UTS2: variants seen among roughly 807,000 people sequenced by gnomAD.
UTS2 encodes urotensin-2.
In UTS2, 10 loss-of-function variants were observed where a neutral mutation model predicts 12.6. The observed-to-expected ratio is 0.80, with a 90% confidence interval of 0.49 to 1.35. The LOEUF (loss-of-function observed/expected upper bound fraction) is 1.35, where lower values mean the gene tolerates loss of function less well. UTS2 is among the 40% of genes most tolerant of loss of function. The pLI, the probability that UTS2 is intolerant of heterozygous loss-of-function variation, is 0.00. For synonymous variants in UTS2, 52 were observed against 50.0 expected, an observed-to-expected ratio of 1.04 and a Z score of -0.17; for missense variants, 142 against 143.2, an observed-to-expected ratio of 0.99 and a Z score of 0.04.
the UTS2 span, among the ~76,000 whole-genome samples, chr1:7,871,212 T>C: frequency 6.6e-6 from 1 of 152,244 alleles, no homozygotes; most frequent in Non-Finnish European, 1.5e-5. Context: ...GGTGCCATCA[T>C]GCATGCTCTT....
At chr1:7,868,679 A>G in the UTS2 span, among the ~76,000 whole-genome samples, 1 of 152,260 alleles carries the variant, frequency 6.6e-6, no homozygotes, top group Admixed American at 6.5e-5. Flanking sequence ...TAGTGGGACA[A>G]TGATGATGTT....
the UTS2 span, among the ~76,000 whole-genome samples, chr1:7,866,432 G>A: frequency 6.6e-6 from 1 of 152,176 alleles, no homozygotes; most frequent in East Asian, 1.9e-4. The surrounding 1 kb of genome is among the most constrained non-coding windows in gnomAD (Gnocchi z 4.5). Flanking sequence ...AGGCCCACAG[G>A]AGGAAGTCCA....
the UTS2 span, among the ~76,000 whole-genome samples, chr1:7,895,322 T>C: frequency 2.0e-5 from 3 of 152,026 alleles, no homozygotes; most frequent in Non-Finnish European, 2.9e-5. Flanking sequence ...TGAGCTGAGA[T>C]TGAGCCACTG....
At chr1:7,877,494 G>C in the UTS2 span, among the ~76,000 whole-genome samples, 1 of 152,302 alleles carries the variant, frequency 6.6e-6, no homozygotes, top group Admixed American at 6.5e-5. Flanking sequence ...CAATTGACTA[G>C]AGCAAGCAGT....
chr1:7,886,490 A>G, the UTS2 span, among the ~76,000 whole-genome samples: 1 of 152,220 alleles, frequency 6.6e-6, no homozygotes, highest in Non-Finnish European at 1.5e-5. Flanking sequence ...TCTCCGTGGT[A>G]CATTTTTCAT....
chr1:7,906,507 G>GAAAGAAAGAAAGA, the UTS2 span, among the ~76,000 whole-genome samples: 1 of 131,268 alleles, frequency 7.6e-6, no homozygotes, highest in South Asian at 2.8e-4. Flanking sequence ...AAGAAAGAAA[G>GAAAGAAAGAAAGA]AAAAGAGGGA....
chr1:7,902,841 T>C, the UTS2 span, among the ~76,000 whole-genome samples: 1 of 152,208 alleles, frequency 6.6e-6, no homozygotes, highest in Non-Finnish European at 1.5e-5. Flanking sequence ...TTCCCATCCC[T>C]GAAGAAGAGG....
upstream of UTS2, chr1:7,853,470 C>G: frequency 6.2e-7 from 1 of 1,600,754 alleles, no homozygotes; most frequent in Non-Finnish European, 8.5e-7. Flanking sequence ...AGTTGCCATG[C>G]TGTGTTTAGG....
chr1:7,902,614 C>CG, the UTS2 span, among the ~76,000 whole-genome samples: 4 of 152,004 alleles, frequency 2.6e-5, no homozygotes, highest in Admixed American at 6.6e-5. Flanking sequence ...TTTATAGGGA[C>CG]GGGGGTCTCG....
chr1:7,864,640 T>C, the UTS2 span, among the ~76,000 whole-genome samples: 2 of 152,202 alleles, frequency 1.3e-5, no homozygotes, highest in African/African-American at 4.8e-5. Flanking sequence ...TCACGCCCAT[T>C]GAATTCTCCT....
chr1:7,891,520 G>A, the UTS2 span, among the ~76,000 whole-genome samples: 20 of 93,082 alleles, frequency 2.1e-4, 1 homozygote, highest in Admixed American at 1.8e-3. Flanking sequence ...AGCCAGACTC[G>A]ATCTAAGAAA....
At chr1:7,901,620 G>GTC in the UTS2 span, among the ~76,000 whole-genome samples, 4 of 111,550 alleles carry the variant, frequency 3.6e-5, no homozygotes, top group East Asian at 2.0e-3. Context: ...GTGTGTGTGT[G>GTC]TGTGTGTGTG....
the UTS2 span, among the ~76,000 whole-genome samples, chr1:7,897,941 G>A: frequency 6.6e-6 from 1 of 152,016 alleles, no homozygotes; most frequent in Non-Finnish European, 1.5e-5. Flanking sequence ...GCATTCCTAG[G>A]TACCTTCTGG....
chr1:7,858,654 G>T, the UTS2 span, among the ~76,000 whole-genome samples: 47 of 152,112 alleles, frequency 3.1e-4, no homozygotes, highest in African/African-American at 9.4e-4. Flanking sequence ...TCAGCTTACT[G>T]CAACCACCAC....
the UTS2 span, among the ~76,000 whole-genome samples, chr1:7,890,974 C>CT: frequency 6.6e-6 from 1 of 151,254 alleles, no homozygotes; most frequent in African/African-American, 2.4e-5. Flanking sequence ...TCCACCCCCC[C>CT]CCACAAAACT....
chr1:7,886,038 G>A, the UTS2 span, among the ~76,000 whole-genome samples: 2 of 118,594 alleles, frequency 1.7e-5, no homozygotes, highest in Non-Finnish European at 4.1e-5. Context: ...CAGCTGCACC[G>A]CACCTGTTCC....
At chr1:7,898,814 T>C in the UTS2 span, among the ~76,000 whole-genome samples, 5 of 152,280 alleles carry the variant, frequency 3.3e-5, no homozygotes, top group South Asian at 1.0e-3. Flanking sequence ...CTTTCATCAG[T>C]GCCTGGAAAT....
chr1:7,895,755 A>G, the UTS2 span, among the ~76,000 whole-genome samples: 2 of 152,234 alleles, frequency 1.3e-5, no homozygotes, highest in Non-Finnish European at 2.9e-5. Flanking sequence ...GATATGCTTC[A>G]TGGGATCTGT....
At position 7,852,115 on chromosome 1, in the gene UTS2, A is replaced by G. The variant is rs567734752; in HGVS notation, c.103+786T>C. Among the ~76,000 whole-genome samples the G allele has an allele frequency of 2.0e-5, 3 of 152,218 alleles. No individual in the cohort carries two copies. In the South Asian group the frequency reaches 6.2e-4, roughly 32 times the overall value. ...CTTGGGATGAACTTTTAGAGACGAG[A>G]AACTATAAAATCCTTGGCTTAAAAG... On this transcript the variant is annotated intron_variant, in intron 1 of 3. Transcript: ENST00000361696.
Sources: gnomAD v4.1 joint callset for allele counts (sites outside exome capture counted in the v4.1 genomes callset) on GRCh38, gnomAD v4.1.1 for gene constraint, Gnocchi (gnomAD v3.1) non-coding constraint, MANE v1.5 for transcripts, NCBI Gene and HGNC (gene_info 2026-07-23, HGNC 2026-07-21) for gene names.